XKR4: variants seen among roughly 807,000 people sequenced by gnomAD.
XKR4 encodes the protein XK-related protein 4.
XKR4 carries 12 observed loss-of-function variants against 53.9 expected under a neutral mutation model. That is an observed-to-expected ratio of 0.22 (90% CI 0.14 to 0.36). The LOEUF is 0.36. Ranked by LOEUF, XKR4 falls within the 10% of genes least tolerant of loss-of-function variation. XKR4 has a pLI of 1.00. For missense variants in XKR4, 799 were observed against 859.5 expected (o/e 0.93, Z 0.88); for synonymous variants, 354 against 362.4 (o/e 0.98, Z 0.26).
chr8:55,335,107 C>G (rs949194700), intron 1 of XKR4, among the ~76,000 whole-genome samples: 18 of 152,154 alleles, frequency 1.2e-4, no homozygotes, highest in Non-Finnish European at 8.8e-5. Context: ...TGACCTGGGT[C>G]TAAACTCAGA....
chr8:55,363,295 C>T (rs77530715), intron 2 of XKR4, among the ~76,000 whole-genome samples: 9,300 of 152,208 alleles, frequency 0.061, 425 homozygotes, highest in Non-Finnish European at 0.095. Flanking sequence ...ACTTCTCATT[C>T]CTTCATATTC....
Position 55,538,001 on chromosome 8 carries a change from G to A in XKR4, c.*13774G>A, listed in dbSNP as rs554621744. On this transcript the variant is annotated 3_prime_UTR_variant, in exon 3 of 3. Transcript: ENST00000327381. The stretch of plus-strand genomic sequence containing the variant: ...TTTATTCAGTGATCTTTGGTAGTAC[G>A]ATAATCAATGGAATTTATGGTGTCG... 1.3e-5 allele frequency: 2 copies of A among 152,280 alleles called. No homozygotes were observed. The highest frequency in any genetic ancestry group is 4.8e-5 in the African/African-American group (2 of 41,570). 9.4% of individuals were successfully genotyped at this position (152,280 alleles called of 1,614,324 possible).
At chr8:55,447,844 A>G (rs1208950077) in intron 2 of XKR4, among the ~76,000 whole-genome samples, 1 of 152,140 alleles carries the variant, frequency 6.6e-6, no homozygotes, top group East Asian at 1.9e-4. Flanking sequence ...GAGACTGGGG[A>G]ATTTGAGACT....
intron 1 of XKR4, among the ~76,000 whole-genome samples, chr8:55,121,711 T>C (rs1317315775): frequency 6.6e-6 from 1 of 152,202 alleles, no homozygotes; most frequent in East Asian, 1.9e-4. Context: ...TCTTTGTACC[T>C]TGGGAATTAG....
At chr8:55,252,824 A>G (rs1563493747) in intron 1 of XKR4, among the ~76,000 whole-genome samples, 1 of 152,184 alleles carries the variant, frequency 6.6e-6, no homozygotes, top group African/African-American at 2.4e-5. Flanking sequence ...TTCTTTGTCC[A>G]GTGGGAGAGG....
At chr8:55,362,872 C>T (rs192923990) in intron 2 of XKR4, among the ~76,000 whole-genome samples, 87 of 152,282 alleles carry the variant, frequency 5.7e-4, no homozygotes, top group African/African-American at 2.0e-3. Flanking sequence ...GGGTGTGCTC[C>T]CCAGAGCAGC....
At chr8:55,420,255 C>T (rs1804905438) in intron 2 of XKR4, among the ~76,000 whole-genome samples, 1 of 152,138 alleles carries the variant, frequency 6.6e-6, no homozygotes. Context: ...ACAACAAAAA[C>T]AAATATCCAG....
intron 2 of XKR4, among the ~76,000 whole-genome samples, chr8:55,365,395 G>C: frequency 6.6e-6 from 1 of 152,220 alleles, no homozygotes; most frequent in East Asian, 1.9e-4. Context: ...CAGGAAAGTA[G>C]AACATGTTAG....
chr8:55,274,715 G>A (rs981482440), intron 1 of XKR4, among the ~76,000 whole-genome samples: 2 of 152,126 alleles, frequency 1.3e-5, no homozygotes, highest in Non-Finnish European at 2.9e-5. Context: ...TTACAGGCAT[G>A]AGCCACCGTG....
At chr8:55,321,152 C>T (rs1586009579) in intron 1 of XKR4, among the ~76,000 whole-genome samples, 1 of 152,106 alleles carries the variant, frequency 6.6e-6, no homozygotes, top group East Asian at 1.9e-4. Flanking sequence ...CTCCTCCTGC[C>T]TTCTTATAAC....
In XKR4 at chr8:55,102,788, G is replaced by C. The variant is rs1313143747; in HGVS notation, c.300G>C (p.Leu100=). The C allele has an allele frequency of 6.3e-7, 1 of 1,594,994 alleles. No individual in the cohort carries two copies. The highest frequency in any genetic ancestry group is 8.5e-7 in the Non-Finnish European group (1 of 1,176,512). ...GCTCGGCTGCGCTGTGCCTGCGCCT[G>C]GGCAGGGAGCAGCGGCGCTACTCAC... ...GAGSAALCLR[L]GREQRRYSLW... Residue 100 remains leucine (L), a synonymous_variant, in exon 1 of 3, where the codon CTG becomes CTC. Transcript: ENST00000327381. The surrounding 1 kb of genome is among the most constrained non-coding windows in gnomAD (Gnocchi z 5.1).
At position 55,102,924 on chromosome 8, in the gene XKR4, G is replaced by C; in HGVS notation, c.436G>C (p.Gly146Arg). Reference protein sequence around the residue: ...YYLRGQRWWFGLTLFFVVLGS... With the variant: ...YYLRGQRWWFRLTLFFVVLGS... Reference sequence around the variant, plus strand: ...CCTGCGCGGCCAGCGCTGGTGGTTCGGGCTCACGCTCTTCTTCGTGGTGCT... The same window carrying C: ...CCTGCGCGGCCAGCGCTGGTGGTTCCGGCTCACGCTCTTCTTCGTGGTGCT... The change falls in exon 1 of 3, where the codon GGG becomes CGG. Residue 146 changes from glycine (G) to arginine (R), a missense_variant. This residue lies in a region of XKR4 where 476 missense variants were observed against 505.4 expected (regional missense o/e 0.94). Coordinates refer to ENST00000327381, the MANE Select transcript of XKR4 (RefSeq NM_052898.2). This position sits in a 1 kb window ranked among gnomAD's most constrained non-coding sequence, Gnocchi z 5.1. 6.2e-7 allele frequency: 1 copy of C among 1,611,736 alleles called. No homozygotes were observed. The highest frequency in any genetic ancestry group is 1.7e-5 in the Admixed American group (1 of 60,018).
chr8:55,305,043 G>A (rs925857042), intron 1 of XKR4, among the ~76,000 whole-genome samples: 1 of 152,138 alleles, frequency 6.6e-6, no homozygotes, highest in Non-Finnish European at 1.5e-5. Flanking sequence ...AATCAGAAAT[G>A]ATGGGAGAGA....
At chr8:55,240,468 A>G (rs1818196347) in intron 1 of XKR4, among the ~76,000 whole-genome samples, 1 of 152,236 alleles carries the variant, frequency 6.6e-6, no homozygotes, top group Non-Finnish European at 1.5e-5. Flanking sequence ...CTGAAGGAGT[A>G]TCTGAACCTG....
intron 2 of XKR4, among the ~76,000 whole-genome samples, chr8:55,420,116 T>C (rs1437870659): frequency 6.6e-6 from 1 of 152,170 alleles, no homozygotes; most frequent in African/African-American, 2.4e-5. Flanking sequence ...TTTTTTTTTA[T>C]TTGGATTTGT....
At chr8:55,104,859 G>A (rs755237947) in intron 1 of XKR4, among the ~76,000 whole-genome samples, 1 of 152,176 alleles carries the variant, frequency 6.6e-6, no homozygotes, top group Non-Finnish European at 1.5e-5. Context: ...TGCTCTTCAA[G>A]TATGATGAAG....
chr8:55,175,283 A>G (rs959242095), intron 1 of XKR4, among the ~76,000 whole-genome samples: 39 of 152,198 alleles, frequency 2.6e-4, no homozygotes, highest in Non-Finnish European at 4.1e-4. Context: ...TTTGTAACTG[A>G]AAGATTCAAC....
At chr8:55,338,144 T>C (rs1338521131) in intron 1 of XKR4, among the ~76,000 whole-genome samples, 1 of 152,256 alleles carries the variant, frequency 6.6e-6, no homozygotes, top group Non-Finnish European at 1.5e-5. Flanking sequence ...AGAAATCTTC[T>C]CTTTAAAAAA....
intron 2 of XKR4, among the ~76,000 whole-genome samples, chr8:55,484,226 G>T (rs530276630): frequency 6.6e-6 from 1 of 152,054 alleles, no homozygotes; most frequent in Non-Finnish European, 1.5e-5. Flanking sequence ...GGCCAAGAAA[G>T]CTTTACTGGA....
Sources: gnomAD v4.1 joint callset for allele counts (sites outside exome capture counted in the v4.1 genomes callset) on GRCh38, gnomAD v4.1.1 for gene constraint, gnomAD v4.1.1 regional missense constraint, Gnocchi (gnomAD v3.1) non-coding constraint, MANE v1.5 for transcripts, NCBI Gene and HGNC (gene_info 2026-07-23, HGNC 2026-07-21) for gene names.